SDR42E1: variants seen among roughly 807,000 people sequenced by gnomAD.
SDR42E1 encodes short chain dehydrogenase/reductase family 42E, member 1.
Under a neutral mutation model 2.6 loss-of-function variants are expected in SDR42E1, and 5 were observed. The observed-to-expected ratio is 1.94, with a 90% CI of 1.01 to 4.08. SDR42E1 has a LOEUF of 4.08. Among genes scored for constraint, SDR42E1 ranks in the 30% most tolerant of loss-of-function variants. The pLI is 0.00. For missense variants in SDR42E1, 596 were observed against 478.6 expected, an observed-to-expected ratio of 1.25 and a Z score of -2.29; for synonymous variants, 231 against 188.3, an observed-to-expected ratio of 1.23 and a Z score of -1.86.
Position 81,989,047 on chromosome 16 carries a change from A to G in SDR42E1, c.*10064T>C, listed in dbSNP as rs1488563647. On this transcript the variant is annotated 3_prime_UTR_variant, in exon 3 of 3. Transcript: ENST00000328945. Reference sequence around the variant, plus strand: ...TTCTTCATATAACTATGTGTCTTATATATAGGGTGATCGTACAATTTATTA... The same window carrying G: ...TTCTTCATATAACTATGTGTCTTATGTATAGGGTGATCGTACAATTTATTA... 6.6e-6 allele frequency: 1 copy of G among 152,162 alleles called. No homozygotes were observed. Among genetic ancestry groups the G allele is most frequent in the Non-Finnish European group, 1.5e-5 (1 of 68,032 alleles). 9.4% of individuals were successfully genotyped at this position (152,162 alleles called of 1,614,324 possible). A position where few individuals can be genotyped will look rare whatever the true frequency, so the allele number is the denominator to read the frequency against.
rs959674702 is a variant in SDR42E1 at position 81,993,846 on chromosome 16, C to G, written c.*5265G>C. On this transcript the variant is annotated 3_prime_UTR_variant, in exon 3 of 3. Transcript: ENST00000328945. ...TACTCTGCTTAAAGGTATGTTGGTG[C>G]CAAATATACATGATTTGAATAAACG... The G allele has an allele frequency of 2.6e-5, 4 of 152,034 alleles. No homozygotes were observed. Among genetic ancestry groups the G allele is most frequent in the Non-Finnish European group, 5.9e-5 (4 of 68,002 alleles). 9.4% of individuals were successfully genotyped at this position (152,034 alleles called of 1,614,324 possible). A position where few individuals can be genotyped will look rare whatever the true frequency, so the allele number is the denominator to read the frequency against.
rs1190839497 is a variant in SDR42E1, at chr16:81,999,522, G to A, written c.771C>T (p.Gly257=). 1 of 1,614,202 alleles carries A rather than the reference G, an allele frequency of 6.2e-7. No individual in the cohort carries two copies. Among genetic ancestry groups the A allele is most frequent in the South Asian group, 1.1e-5 (1 of 91,086 alleles). ...ASGQPYFISD[G]RPVNNFEFFR... ...AGAACTCAAAGTTGTTCACGGGTCT[G>A]CCATCTGAGATGAAGTAGGGCTGCC... The change falls in exon 3 of 3, where the codon GGC becomes GGT. Residue 257 remains glycine, a synonymous_variant. Coordinates refer to ENST00000328945, the MANE Select transcript of SDR42E1 (RefSeq NM_145168.3).
In SDR42E1 at chr16:81,999,724, C is replaced by A. The variant is rs1277171165; in HGVS notation, c.569G>T (p.Gly190Val). Residue 190 changes from glycine to valine, a missense_variant, in exon 3 of 3, where the codon GGG (glycine) becomes GTG (valine). Gly to Val is a moderately radical substitution (Grantham distance 109, BLOSUM62 -3). Coordinates refer to ENST00000328945, the MANE Select transcript of SDR42E1 (RefSeq NM_145168.3). The part of the protein sequence containing the change: ...TCALRPAGIY[G>V]PGEQRHLPRI... Reference sequence around the variant, plus strand: ...GGGAAGGTGTCTTTGTTCTCCAGGCCCATAGATGCCAGCTGGCCTCAGAGC... The same window carrying A: ...GGGAAGGTGTCTTTGTTCTCCAGGCACATAGATGCCAGCTGGCCTCAGAGC... 2 of 1,614,192 alleles carry A rather than the reference C, an allele frequency of 1.2e-6. No individual in the cohort carries two copies. The highest frequency in any genetic ancestry group is 1.7e-5 in the Admixed American group (1 of 60,028).
chr16:82,006,473 T>C (rs1912938605), intron 1 of SDR42E1, among the ~76,000 whole-genome samples: 2 of 152,156 alleles, frequency 1.3e-5, no homozygotes, highest in African/African-American at 4.8e-5. Context: ...AGAATTCTGA[T>C]ACAGATAAAA....
rs1319079642 is a variant in SDR42E1, at chr16:81,998,453, T to TA, written c.*657dup. 1 of 152,460 alleles carries TA rather than the reference T, an allele frequency of 6.6e-6. No homozygotes were observed. The highest frequency in any genetic ancestry group is 2.4e-5 in the African/African-American group (1 of 41,442). The allele number at this position is 152,460 out of a possible 1,614,324, so 9.4% of individuals were successfully genotyped here. A position where few individuals can be genotyped will look rare whatever the true frequency, so the allele number is the denominator to read the frequency against. On this transcript the variant is annotated 3_prime_UTR_variant, in exon 3 of 3. Coordinates refer to ENST00000328945, the MANE Select transcript of SDR42E1 (RefSeq NM_145168.3). ...TGACAATTCTGATAAAAAGAATGGC[T>TA]ATGTGTGTTGAGGAGCGCTTTGTAT...
Position 81,999,154 on chromosome 16 carries a change from G to C in SDR42E1, c.1139C>G (p.Ala380Gly), listed in dbSNP as rs984376725. The change falls in exon 3 of 3, where the codon GCA (alanine) becomes GGA (glycine). Residue 380 changes from alanine (A) to glycine (G), a missense_variant. Transcript: ENST00000328945. ...DGLLVFLLIIAVLMWLPSSVI... is the reference protein window; with the variant it reads ...DGLLVFLLIIGVLMWLPSSVI... Reference sequence around the variant, plus strand: ...AGAAGAAGGCAGCCACATGAGAACTGCTATAATCAGGAGGAAGACCAATAG... The same window carrying C: ...AGAAGAAGGCAGCCACATGAGAACTCCTATAATCAGGAGGAAGACCAATAG... 1.9e-6 allele frequency: 3 copies of C among 1,614,178 alleles called. No homozygotes were observed. Among genetic ancestry groups the C allele is most frequent in the Admixed American group, 3.3e-5 (2 of 60,026 alleles).
Position 82,000,212 on chromosome 16 carries a change from G to A in SDR42E1, c.81C>T (p.Ala27=). The change falls in exon 3 of 3, where the codon GCC becomes GCT. Residue 27 remains alanine (A), a synonymous_variant. Transcript: ENST00000328945. ...TCACATGGACTCCATTTTGGTTCAG[G>A]GCACAGCCCAGGCTGAAATAAGAAA... ...SGYFGFRLGC[A]LNQNGVHVIL... is the part of the protein sequence containing the mutation. 6.2e-7 allele frequency: 1 copy of A among 1,606,980 alleles called. No individual in the cohort carries two copies. Among genetic ancestry groups the A allele is most frequent in the African/African-American group, 1.3e-5 (1 of 74,946 alleles).
chr16:82,005,704 G>A (rs1043648815), intron 1 of SDR42E1, among the ~76,000 whole-genome samples: 2 of 152,170 alleles, frequency 1.3e-5, no homozygotes, highest in African/African-American at 4.8e-5. Context: ...AATGGCAAGT[G>A]CTTGAAGGTC....
chr16:82,009,336 C>T (rs901727995), intron 1 of SDR42E1, among the ~76,000 whole-genome samples: 1 of 152,216 alleles, frequency 6.6e-6, no homozygotes, highest in East Asian at 1.9e-4. Context: ...GCACCGTACA[C>T]CTAGAAAAGC....
chr16:82,000,627 A>T lies in SDR42E1; in HGVS notation c.68+164T>A, dbSNP rs114981658. ...TAAATAATTTTTCTTTAAGTGAAATATACCTGTAGTTCTCAGCTGCAATGT... is the reference window on the plus strand; with the variant it reads ...TAAATAATTTTTCTTTAAGTGAAATTTACCTGTAGTTCTCAGCTGCAATGT... On this transcript the variant is annotated intron_variant, in intron 2 of 2. Transcript: ENST00000328945. 3.7e-3 allele frequency among the ~76,000 whole-genome samples: 563 copies of T among 152,352 alleles called. 6 individuals are homozygous for T. Among genetic ancestry groups the T allele is most frequent in the African/African-American group, 0.013 (533 of 41,582 alleles).
Position 81,989,362 on chromosome 16 carries a change from C to T in SDR42E1, c.*9749G>A, listed in dbSNP as rs148831448. 6.6e-6 allele frequency: 1 copy of T among 152,290 alleles called. No homozygotes were observed. Among genetic ancestry groups the T allele is most frequent in the African/African-American group, 2.4e-5 (1 of 41,546 alleles). The allele number at this position is 152,290 out of a possible 1,614,324, so 9.4% of individuals were successfully genotyped here. ...GCCCTGTTTTCTATACAAATATATACATATATGAAATTTGGGGACATTAGT... is the reference window on the plus strand; with the variant it reads ...GCCCTGTTTTCTATACAAATATATATATATATGAAATTTGGGGACATTAGT... On this transcript the variant is annotated 3_prime_UTR_variant, in exon 3 of 3. Coordinates refer to ENST00000328945, the MANE Select transcript of SDR42E1 (RefSeq NM_145168.3).
Position 81,990,990 on chromosome 16 carries a change from G to C in SDR42E1, c.*8121C>G, listed in dbSNP as rs1303620694. The stretch of plus-strand genomic sequence containing the variant: ...GTGCTCCACGCCCAGAATAGTGTAA[G>C]ACTGCAGGGGAGGCAAAGAGCCATC... On this transcript the variant is annotated 3_prime_UTR_variant, in exon 3 of 3. Coordinates refer to ENST00000328945, the MANE Select transcript of SDR42E1 (RefSeq NM_145168.3). The C allele has an allele frequency of 6.6e-6, 1 of 152,220 alleles. No homozygotes were observed. Among genetic ancestry groups the C allele is most frequent in the Non-Finnish European group, 1.5e-5 (1 of 68,048 alleles). The allele number at this position is 152,220 out of a possible 1,614,324, so 9.4% of individuals were successfully genotyped here. A position where few individuals can be genotyped will look rare whatever the true frequency, so the allele number is the denominator to read the frequency against.
rs80065483 is a variant in SDR42E1, at chr16:82,000,033, C to T, written c.260G>A (p.Arg87Gln). The T allele has an allele frequency of 2.8e-3, 4,498 of 1,614,190 alleles. 108 individuals are homozygous for T. The African/African-American group carries it at 0.052, about 19-fold the overall frequency. ...FHIASYGMSG[R>Q]EQLNRNLIKE... The stretch of plus-strand genomic sequence containing the variant: ...GATCAGGTTTCGATTGAGTTGCTCC[C>T]GCCCTGACATACCATAAGAGGCAAT... Residue 87 changes from arginine (R) to glutamine (Q), a missense_variant, in exon 3 of 3, where the codon CGG becomes CAG. Coordinates refer to ENST00000328945, the MANE Select transcript of SDR42E1 (RefSeq NM_145168.3).
In SDR42E1 at chr16:81,990,867, A is replaced by C. The variant is rs1912410094; in HGVS notation, c.*8244T>G. The C allele has an allele frequency of 6.6e-6, 1 of 152,194 alleles. No homozygotes were observed. The highest frequency in any genetic ancestry group is 1.5e-5 in the Non-Finnish European group (1 of 68,030). 9.4% of individuals were successfully genotyped at this position (152,194 alleles called of 1,614,324 possible). On this transcript the variant is annotated 3_prime_UTR_variant, in exon 3 of 3. Coordinates refer to ENST00000328945, the MANE Select transcript of SDR42E1 (RefSeq NM_145168.3). ...CACTTCCACTGTGAAGTGCTTTGTA[A>C]AAAGTTCACCCTTCTTTGGGAGAAT...
rs1912484254 is a variant in SDR42E1, at chr16:81,993,933, G to C, written c.*5178C>G. ...ATCTCATTTTTTAAGAAAAACTCCAGCAAATGTTAAATTACCCAGGGACCA... is the reference window on the plus strand; with the variant it reads ...ATCTCATTTTTTAAGAAAAACTCCACCAAATGTTAAATTACCCAGGGACCA... On this transcript the variant is annotated 3_prime_UTR_variant, in exon 3 of 3. Transcript: ENST00000328945. 1 of 152,078 alleles carries C rather than the reference G, an allele frequency of 6.6e-6. No homozygotes were observed. Among genetic ancestry groups the C allele is most frequent in the Non-Finnish European group, 1.5e-5 (1 of 68,016 alleles). 9.4% of individuals were successfully genotyped at this position (152,078 alleles called of 1,614,324 possible).
chr16:82,005,327 G>C (rs1912898735), intron 1 of SDR42E1, among the ~76,000 whole-genome samples: 1 of 152,138 alleles, frequency 6.6e-6, no homozygotes, highest in African/African-American at 2.4e-5. Context: ...TAACTGACCT[G>C]ATCGGGGGGG....
At chr16:82,010,099 G>A (rs1208153149) in intron 1 of SDR42E1, among the ~76,000 whole-genome samples, 1 of 152,222 alleles carries the variant, frequency 6.6e-6, no homozygotes, top group Non-Finnish European at 1.5e-5. Context: ...CCAGCCATGT[G>A]GAACTGTGAG....
At position 81,999,114 on chromosome 16, in the gene SDR42E1, C is replaced by G. The variant is rs749403421; in HGVS notation, c.1179G>C (p.Leu393=). ...CACCTTATTTCTGGCCCCTCCTTCA[C>G]AGTGACAGAATCACAGAAGAAGGCA... ...MWLPSSVILS[L] The change falls in exon 3 of 3, where the codon CTG becomes CTC. Residue 393 remains leucine, a synonymous_variant. Transcript: ENST00000328945. The G allele has an allele frequency of 3.7e-6, 6 of 1,612,848 alleles. No homozygotes were observed. Among genetic ancestry groups the G allele is most frequent in the Non-Finnish European group, 5.1e-6 (6 of 1,179,478 alleles).
At chr16:82,003,263 C>T (rs1158391230) in intron 1 of SDR42E1, among the ~76,000 whole-genome samples, 1 of 152,168 alleles carries the variant, frequency 6.6e-6, no homozygotes, top group Non-Finnish European at 1.5e-5. Flanking sequence ...TGCCAGCACT[C>T]CCTCAATGCA....
Sources: gnomAD v4.1 joint callset for allele counts (sites outside exome capture counted in the v4.1 genomes callset) on GRCh38, gnomAD v4.1.1 for gene constraint, MANE v1.5 for transcripts, NCBI Gene and HGNC (gene_info 2026-07-23, HGNC 2026-07-21) for gene names.